The following LRRC4C variants were observed in gnomAD, a reference collection of about 807,000 sequenced individuals.
LRRC4C encodes the protein leucine-rich repeat-containing protein 4C.
A neutral mutation model predicts 33.6 loss-of-function variants in LRRC4C; 5 were observed. The ratio of observed to expected loss-of-function variants is 0.15; its 90% CI spans 0.08 to 0.31. The LOEUF is 0.31. Among genes scored for constraint, LRRC4C ranks in the 10% least tolerant of loss-of-function variants. The probability of loss-of-function intolerance (pLI) is 1.00; values close to 1 mark genes in which losing one functional copy is unlikely to be tolerated. For synonymous variants in LRRC4C, 329 were observed against 302.0 expected, an observed-to-expected ratio of 1.09 and a Z score of -0.93; for missense variants, 560 against 796.7, an observed-to-expected ratio of 0.70 and a Z score of 3.58.
intron 1 of LRRC4C, among the ~76,000 whole-genome samples, chr11:41,322,391 T>TC (rs992385469): frequency 9.9e-5 from 15 of 152,148 alleles, no homozygotes; most frequent in Non-Finnish European, 2.2e-4. Flanking sequence ...ATTTTTTTTT[T>TC]CTCAACCCAG....
At chr11:40,352,464 TTTA>T (rs1246023363) in intron 3 of LRRC4C, among the ~76,000 whole-genome samples, 1 of 151,920 alleles carries the variant, frequency 6.6e-6, no homozygotes, top group South Asian at 2.1e-4. Context: ...TAAATTTTAT[TTTA>T]TTATTATTAT....
At chr11:41,035,204 CATAAATAAATAA>C (rs559701849) in intron 1 of LRRC4C, among the ~76,000 whole-genome samples, 3 of 150,332 alleles carry the variant, frequency 2.0e-5, no homozygotes, top group African/African-American at 4.9e-5. Flanking sequence ...TAAATAAATA[CATAAATAAATAA>C]ATAAATAAAT....
At chr11:40,779,399 G>A (rs1950132355) in intron 2 of LRRC4C, among the ~76,000 whole-genome samples, 1 of 152,124 alleles carries the variant, frequency 6.6e-6, no homozygotes, top group East Asian at 1.9e-4. Context: ...ATATTTTCTA[G>A]TTTTTCTGCA....
At chr11:40,611,525 T>C (rs1236600236) in intron 3 of LRRC4C, among the ~76,000 whole-genome samples, 1 of 151,664 alleles carries the variant, frequency 6.6e-6, no homozygotes, top group Non-Finnish European at 1.5e-5. Flanking sequence ...TGAGACTATA[T>C]CAAACTAATC....
In LRRC4C at chr11:40,953,234, T is replaced by C. The variant is rs377033491; in HGVS notation, c.-495-19511A>G. Among the ~76,000 whole-genome samples the C allele has an allele frequency of 3.3e-5, 5 of 152,012 alleles. No homozygotes were observed. In the South Asian group the frequency reaches 6.2e-4, roughly 19 times the overall value. ...CTATGGAAATAAAGTAAGGGAGTTATACAAAAAAATAATTATTCGATCTGC... is the reference window on the plus strand; with the variant it reads ...CTATGGAAATAAAGTAAGGGAGTTACACAAAAAAATAATTATTCGATCTGC... On this transcript the variant is annotated intron_variant, in intron 1 of 6. Coordinates refer to ENST00000528697, the MANE Select transcript of LRRC4C (RefSeq NM_001258419.2).
intron 3 of LRRC4C, among the ~76,000 whole-genome samples, chr11:40,520,012 G>A (rs1049840220): frequency 3.3e-5 from 5 of 152,164 alleles, no homozygotes; most frequent in Non-Finnish European, 2.9e-5. Context: ...CTTCAAAGCT[G>A]TGAAGGACAG....
chr11:41,367,831 C>T (rs1952600881), intron 1 of LRRC4C, among the ~76,000 whole-genome samples: 1 of 152,062 alleles, frequency 6.6e-6, no homozygotes, highest in Non-Finnish European at 1.5e-5. Context: ...CCCAGTTACC[C>T]AGGCTATTAG....
At chr11:40,300,362 G>T (rs1370632894) in intron 4 of LRRC4C, among the ~76,000 whole-genome samples, 2 of 152,170 alleles carry the variant, frequency 1.3e-5, no homozygotes, top group African/African-American at 4.8e-5. Context: ...TGTAGTTGAT[G>T]ATTGCAGAAT....
intron 4 of LRRC4C, among the ~76,000 whole-genome samples, chr11:40,295,385 T>C (rs562194319): frequency 1.3e-5 from 2 of 152,314 alleles, no homozygotes; most frequent in African/African-American, 4.8e-5. Context: ...TAAGTGATGA[T>C]CTTTGCACTG....
intron 1 of LRRC4C, among the ~76,000 whole-genome samples, chr11:40,943,780 C>T (rs764865546): frequency 1.7e-4 from 26 of 152,136 alleles, no homozygotes; most frequent in Non-Finnish European, 3.1e-4. Flanking sequence ...CATTCAACTT[C>T]CCAGTAGGAG....
At chr11:40,251,200 T>C (rs953872521) in intron 4 of LRRC4C, among the ~76,000 whole-genome samples, 1 of 152,194 alleles carries the variant, frequency 6.6e-6, no homozygotes, top group Non-Finnish European at 1.5e-5. Context: ...CACTTGCTAT[T>C]GGTTGCCTCT....
chr11:40,374,282 G>A (rs1183303476), intron 3 of LRRC4C, among the ~76,000 whole-genome samples: 2 of 152,098 alleles, frequency 1.3e-5, no homozygotes, highest in Non-Finnish European at 2.9e-5. Context: ...TACCTTCCCT[G>A]ATCCTCCTGG....
chr11:41,021,212 AGAGT>A (rs1280248555), intron 1 of LRRC4C, among the ~76,000 whole-genome samples: 61 of 133,508 alleles, frequency 4.6e-4, no homozygotes, highest in African/African-American at 1.7e-3. Flanking sequence ...AGAGAGAGAG[AGAGT>A]GTGTGTGTGT....
chr11:41,163,616 T>G (rs1053022613), intron 1 of LRRC4C, among the ~76,000 whole-genome samples: 3 of 112,158 alleles, frequency 2.7e-5, no homozygotes, highest in African/African-American at 9.3e-5. Flanking sequence ...TTAAAAACTG[T>G]TTTTTTTTTG....
chr11:40,464,586 C>G (rs902666290), intron 3 of LRRC4C, among the ~76,000 whole-genome samples: 1 of 151,932 alleles, frequency 6.6e-6, no homozygotes, highest in Admixed American at 6.6e-5. Flanking sequence ...TCTAAGGACT[C>G]CGACAAAAGA....
chr11:40,200,566 T>C (rs1283400370), intron 5 of LRRC4C, among the ~76,000 whole-genome samples: 1 of 151,640 alleles, frequency 6.6e-6, no homozygotes, highest in Non-Finnish European at 1.5e-5. Context: ...ATGTGACAGG[T>C]GTCCTGCCGC....
chr11:40,445,073 C>T (rs1951569314), intron 3 of LRRC4C, among the ~76,000 whole-genome samples: 1 of 152,080 alleles, frequency 6.6e-6, no homozygotes, highest in Admixed American at 6.6e-5. Flanking sequence ...TGTGGAGGAC[C>T]ACAGAAACGG....
chr11:40,364,059 G>C (rs1367645251), intron 3 of LRRC4C, among the ~76,000 whole-genome samples: 3 of 152,062 alleles, frequency 2.0e-5, no homozygotes, highest in Middle Eastern at 6.8e-3. Flanking sequence ...AAAGCTTCAA[G>C]AAAATAAAAT....
At chr11:40,184,732 G>A (rs974950990) in intron 5 of LRRC4C, among the ~76,000 whole-genome samples, 2 of 152,224 alleles carry the variant, frequency 1.3e-5, no homozygotes, top group African/African-American at 4.8e-5. Flanking sequence ...CTCGAAAGAA[G>A]AGAGGTGAGA....
Sources: allele counts gnomAD v4.1 joint callset (sites outside exome capture counted in the v4.1 genomes callset), GRCh38; gene constraint gnomAD v4.1.1; transcripts MANE v1.5; gene names NCBI Gene and HGNC (gene_info 2026-07-23, HGNC 2026-07-21).